The following LINC00632 variants were observed in gnomAD, a reference collection of about 807,000 sequenced individuals.
LINC00632 encodes the protein long independently transcribed non-coding RNA 632.
intron 2 of LINC00632, among the ~76,000 whole-genome samples, chrX:140,723,851 C>CACAG: frequency 2.2e-5 from 1 of 44,553 alleles, no homozygotes; most frequent in Admixed American, 2.6e-4. Flanking sequence ...TCCATACACA[C>CACAG]ACACATTCCA....
chrX:140,725,971 A>T (rs1293333530), intron 2 of LINC00632, among the ~76,000 whole-genome samples: 1 of 111,534 alleles, frequency 9.0e-6, no homozygotes, highest in Non-Finnish European at 1.9e-5. Flanking sequence ...AATAACACTG[A>T]TTGCTTCACA....
chrX:140,726,037 C>G (rs987461327), intron 2 of LINC00632, among the ~76,000 whole-genome samples: 4 of 111,101 alleles, frequency 3.6e-5, no homozygotes, highest in African/African-American at 1.3e-4. Flanking sequence ...CAGACATGTC[C>G]TACAATACAG....
rs1230382366 is a variant in LINC00632, at chrX:140,783,379, AGTCTTCCAGCAATTACTG to A, written n.11407_11424del. ...GTAAATCAAGTCTTCCAGCAAATCCAGTCTTCCAGCAATTACTGGTCTTCCACCAAATCCAGATCTTCC... is the reference window on the plus strand; with the variant it reads ...GTAAATCAAGTCTTCCAGCAAATCCAGTCTTCCACCAAATCCAGATCTTCC... On this transcript the variant is annotated non_coding_transcript_exon_variant, in exon 5 of 5. Transcript: ENST00000648200. The A allele has an allele frequency of 2.9e-5, 13 of 445,391 alleles. No individual in the cohort carries two copies. In the East Asian group the frequency reaches 4.6e-4, roughly 16 times the overall value. 36.7% of individuals were successfully genotyped at this position (445,391 alleles called of 1,213,427 possible).
chrX:140,750,057 T>C (rs956774803), intron 3 of LINC00632, among the ~76,000 whole-genome samples: 3 of 110,574 alleles, frequency 2.7e-5, no homozygotes, highest in Non-Finnish European at 1.9e-5. Flanking sequence ...ATAAAGAAAA[T>C]CTGGTATATA....
intron 3 of LINC00632, among the ~76,000 whole-genome samples, chrX:140,750,520 CTG>C (rs1217229360): frequency 9.0e-6 from 1 of 111,037 alleles, no homozygotes; most frequent in Non-Finnish European, 1.9e-5. Flanking sequence ...ACATTTCACA[CTG>C]TATACATGTT....
At chrX:140,785,819 C>T (rs955882155) in exon 5 of LINC00632, among the ~76,000 whole-genome samples, 3 of 112,072 alleles carry the variant, frequency 2.7e-5, no homozygotes, top group East Asian at 5.6e-4. Flanking sequence ...ATTTGAATCC[C>T]CTTTTACTGA....
At chrX:140,732,661 AAC>A (rs1931078766) in intron 2 of LINC00632, among the ~76,000 whole-genome samples, 1 of 111,942 alleles carries the variant, frequency 8.9e-6, no homozygotes, top group African/African-American at 3.3e-5. Context: ...CACAAACAGA[AAC>A]AGATTTACAC....
intron 3 of LINC00632, among the ~76,000 whole-genome samples, chrX:140,754,692 A>AT (rs201716928): frequency 0.029 from 3,079 of 106,200 alleles, 59 homozygotes; most frequent in Middle Eastern, 0.083. Flanking sequence ...CTTCCAGCAG[A>AT]TTTTTTTTTT....
intron 1 of LINC00632, chrX:140,711,549 G>A: frequency 3.8e-6 from 1 of 262,234 alleles, no homozygotes; most frequent in South Asian, 4.2e-5. Flanking sequence ...CATTATTTTT[G>A]CTGTTATAAA....
At chrX:140,762,847 G>A (rs919902862) in intron 3 of LINC00632, among the ~76,000 whole-genome samples, 6 of 111,655 alleles carry the variant, frequency 5.4e-5, no homozygotes, top group Non-Finnish European at 9.4e-5. Flanking sequence ...ATTATTTTTA[G>A]GTGAAAGATT....
chrX:140,790,187 A>G (rs1008561438), exon 5 of LINC00632, among the ~76,000 whole-genome samples: 1 of 110,939 alleles, frequency 9.0e-6, no homozygotes, highest in Non-Finnish European at 1.9e-5. Context: ...GGTTCTTCCA[A>G]TATTTTGTAC....
rs192701805 is a variant in LINC00632 at position 140,757,198 on chromosome X, C to T, written n.192-14880C>T. Among the ~76,000 whole-genome samples the T allele has an allele frequency of 6.3e-5, 7 of 111,653 alleles. No individual in the cohort carries two copies. The East Asian group carries it at 1.4e-3, about 23-fold the overall frequency. ...ATTGGAACTCAGCCTACTTGGATTG[C>T]CATGATGGGGTTTCTGTCAGCAGGT... On this transcript the variant is annotated intron_variant and non_coding_transcript_variant, in intron 3 of 4. Coordinates refer to ENST00000648200, the Ensembl canonical transcript of LINC00632.
exon 4 of LINC00632, among the ~76,000 whole-genome samples, chrX:140,772,956 T>C (rs1352633532): frequency 9.0e-6 from 1 of 111,618 alleles, no homozygotes; most frequent in East Asian, 2.8e-4. Context: ...ACTTGAGGTC[T>C]GGAGTTTGCA....
chrX:140,788,414 C>A (rs1206594500), exon 5 of LINC00632, among the ~76,000 whole-genome samples: 1 of 110,242 alleles, frequency 9.1e-6, no homozygotes, highest in Admixed American at 9.7e-5. Context: ...GATTATTAAT[C>A]CCTTTCTGTA....
chrX:140,740,672 C>CAA lies in LINC00632; in HGVS notation n.191+6711_191+6712dup, dbSNP rs10691025. On this transcript the variant is annotated intron_variant and non_coding_transcript_variant, in intron 3 of 4. Coordinates refer to ENST00000648200, the Ensembl canonical transcript of LINC00632. Reference sequence around the variant, plus strand: ...TTAGAAGCAAGGCCAACTTCATGAGCAAAAGGGGCTTTTGCACAGGGCCCC... The same window carrying CAA: ...TTAGAAGCAAGGCCAACTTCATGAGCAAAAAAGGGGCTTTTGCACAGGGCCCC... Among the ~76,000 whole-genome samples the CAA allele has an allele frequency of 6.6e-3, 737 of 110,896 alleles. 4 individuals carry two copies. The highest frequency in any genetic ancestry group is 0.01 in the Admixed American group (106 of 10,362).
intron 3 of LINC00632, among the ~76,000 whole-genome samples, chrX:140,759,331 TCC>T (rs1330320382): frequency 2.1e-4 from 13 of 62,398 alleles, no homozygotes; most frequent in African/African-American, 6.2e-4. Context: ...CTTCCTTCCT[TCC>T]TTCCTTCCTT....
At chrX:140,748,827 TTATC>T (rs1931367178) in intron 3 of LINC00632, among the ~76,000 whole-genome samples, 1 of 104,840 alleles carries the variant, frequency 9.5e-6, no homozygotes, top group Non-Finnish European at 1.9e-5. Flanking sequence ...ATGATATATT[TTATC>T]TATGATATAT....
intron 3 of LINC00632, among the ~76,000 whole-genome samples, chrX:140,747,266 GC>G (rs1288705458): frequency 3.6e-5 from 4 of 111,496 alleles, no homozygotes; most frequent in African/African-American, 1.3e-4. Flanking sequence ...GGTGGCTCAT[GC>G]CTGTAATCCC....
intron 2 of LINC00632, among the ~76,000 whole-genome samples, chrX:140,724,876 T>C (rs796085052): frequency 4.0e-5 from 3 of 75,015 alleles, no homozygotes; most frequent in African/African-American, 9.7e-5. Context: ...ACACATTCCA[T>C]ACACACACAT....
Sources: allele counts gnomAD v4.1 joint callset (sites outside exome capture counted in the v4.1 genomes callset), GRCh38; gene constraint gnomAD v4.1.1; transcripts MANE v1.5; gene names NCBI Gene and HGNC (gene_info 2026-07-23, HGNC 2026-07-21).